The following DCX variants were observed in gnomAD, a reference collection of about 807,000 sequenced individuals.
DCX encodes the protein doublecortin.
A neutral mutation model predicts 20.9 loss-of-function variants in DCX; 4 were observed. The ratio of observed to expected loss-of-function variants is 0.19; its 90% confidence interval spans 0.09 to 0.44. DCX has a LOEUF of 0.44. Ranked by LOEUF, DCX falls within the 20% of genes least tolerant of loss-of-function variation. The probability of loss-of-function intolerance (pLI) is 0.99; values close to 1 mark genes in which losing one functional copy is unlikely to be tolerated. For synonymous variants in DCX, 103 were observed against 111.4 expected, an observed-to-expected ratio of 0.92 and a Z score of 0.47; for missense variants, 133 against 296.9, an observed-to-expected ratio of 0.45 and a Z score of 4.06.
rs181374748 is a variant in DCX at position 111,306,763 on chromosome X, A to T, written c.1045-5020T>A. Among the ~76,000 whole-genome samples, 330 of 111,673 alleles carry T rather than the reference A, an allele frequency of 3.0e-3. 3 individuals are homozygous for T. Among genetic ancestry groups the T allele is most frequent in the African/African-American group, 0.01 (318 of 30,810 alleles). On this transcript the variant is annotated intron_variant, in intron 6 of 6. Coordinates refer to ENST00000636035, the MANE Select transcript of DCX (RefSeq NM_001195553.2). ...AATTAAATTAGAAACAATAATGGAAAGATATTCAGGAAATTCATATATATG... is the reference window on the plus strand; with the variant it reads ...AATTAAATTAGAAACAATAATGGAATGATATTCAGGAAATTCATATATATG...
At chrX:111,326,071 G>C (rs1200942134) in intron 5 of DCX, among the ~76,000 whole-genome samples, 1 of 111,486 alleles carries the variant, frequency 9.0e-6, no homozygotes. Context: ...CCTTCTAAAG[G>C]CTGTATATTT....
intron 3 of DCX, among the ~76,000 whole-genome samples, chrX:111,342,767 C>CA (rs1396503647): frequency 9.0e-6 from 1 of 110,532 alleles, no homozygotes; most frequent in Non-Finnish European, 1.9e-5. Context: ...GAAACTCACT[C>CA]AAAACCACAC....
intron 6 of DCX, among the ~76,000 whole-genome samples, chrX:111,312,434 G>GAAAT (rs2147594506): frequency 8.9e-6 from 1 of 112,122 alleles, no homozygotes; most frequent in Admixed American, 9.4e-5. Context: ...AATGTAGCAG[G>GAAAT]AAATAAGTCA....
At chrX:111,392,975 G>C (rs886531878) in intron 3 of DCX, among the ~76,000 whole-genome samples, 20 of 110,951 alleles carry the variant, frequency 1.8e-4, no homozygotes, top group African/African-American at 6.6e-4. Flanking sequence ...GCCCATTTTA[G>C]CTTCTCCTAT....
chrX:111,373,561 G>A (rs1315887910), intron 3 of DCX, among the ~76,000 whole-genome samples: 3 of 111,575 alleles, frequency 2.7e-5, no homozygotes, highest in Non-Finnish European at 5.6e-5. Flanking sequence ...CTTGTCTCCA[G>A]GAATAACTGT....
At chrX:111,357,750 C>A (rs1923853400) in intron 3 of DCX, among the ~76,000 whole-genome samples, 1 of 110,097 alleles carries the variant, frequency 9.1e-6, no homozygotes, top group African/African-American at 3.3e-5. Flanking sequence ...CCGCTGTACT[C>A]CAGCCTGGGC....
At chrX:111,356,099 T>A (rs748003768) in intron 3 of DCX, among the ~76,000 whole-genome samples, 5 of 112,301 alleles carry the variant, frequency 4.5e-5, no homozygotes, top group Non-Finnish European at 5.6e-5. Context: ...AACCAATAGT[T>A]AACTTGATGC....
intron 3 of DCX, among the ~76,000 whole-genome samples, chrX:111,339,070 T>G (rs1603416503): frequency 1.8e-5 from 2 of 112,513 alleles, no homozygotes; most frequent in South Asian, 3.7e-4. Flanking sequence ...CACCATCTTC[T>G]GAATTTCCTT....
intron 2 of DCX, among the ~76,000 whole-genome samples, chrX:111,407,598 A>T (rs1928299531): frequency 9.0e-6 from 1 of 111,495 alleles, no homozygotes; most frequent in African/African-American, 3.3e-5. Context: ...AACAAATGCA[A>T]CTGAGCCCTA....
intron 3 of DCX, among the ~76,000 whole-genome samples, chrX:111,349,061 C>T (rs1455080508): frequency 9.0e-6 from 1 of 110,921 alleles, no homozygotes; most frequent in Non-Finnish European, 1.9e-5. Context: ...TTGATGAAAG[C>T]TGTAGGTCTT....
chrX:111,371,856 T>C (rs1026210622), intron 3 of DCX, among the ~76,000 whole-genome samples: 2 of 110,065 alleles, frequency 1.8e-5, no homozygotes, highest in African/African-American at 6.6e-5. Context: ...ACACACAGAG[T>C]AAGAGCTCAA....
chrX:111,391,501 G>T (rs748921771), intron 3 of DCX, among the ~76,000 whole-genome samples: 4 of 111,351 alleles, frequency 3.6e-5, no homozygotes, highest in Non-Finnish European at 7.5e-5. Context: ...CTTCCTTTCA[G>T]CTTCATCTTC....
intron 4 of DCX, among the ~76,000 whole-genome samples, chrX:111,331,519 T>C (rs193109756): frequency 1.8e-5 from 2 of 112,006 alleles, no homozygotes; most frequent in African/African-American, 3.2e-5. Flanking sequence ...ATGATGGATA[T>C]CATGTCACTT....
At chrX:111,357,988 C>T (rs780591572) in intron 3 of DCX, among the ~76,000 whole-genome samples, 2 of 109,676 alleles carry the variant, frequency 1.8e-5, no homozygotes, top group Non-Finnish European at 3.8e-5. Context: ...CCACCACGCC[C>T]GGCTAATTGT....
At chrX:111,346,329 G>T (rs184524400) in intron 3 of DCX, among the ~76,000 whole-genome samples, 1 of 112,080 alleles carries the variant, frequency 8.9e-6, no homozygotes, top group Admixed American at 9.5e-5. Flanking sequence ...AGATGAAAAG[G>T]ATAAACAAAA....
At chrX:111,332,412 T>C (rs750047461) in intron 4 of DCX, among the ~76,000 whole-genome samples, 2 of 112,371 alleles carry the variant, frequency 1.8e-5, no homozygotes, top group African/African-American at 6.5e-5. Context: ...ATGGGAAATA[T>C]GCTCTGAATG....
chrX:111,328,827 A>T (rs972458258), intron 5 of DCX, among the ~76,000 whole-genome samples: 4 of 111,471 alleles, frequency 3.6e-5, no homozygotes, highest in African/African-American at 1.3e-4. Context: ...TTGAGCCTTC[A>T]GATGACTGCA....
At chrX:111,355,523 C>A (rs1474613375) in intron 3 of DCX, among the ~76,000 whole-genome samples, 1 of 111,063 alleles carries the variant, frequency 9.0e-6, no homozygotes, top group Non-Finnish European at 1.9e-5. Flanking sequence ...TCTTTAATGT[C>A]TTGATATTAT....
intron 3 of DCX, among the ~76,000 whole-genome samples, chrX:111,394,539 C>T (rs1447309631): frequency 2.7e-5 from 3 of 111,803 alleles, no homozygotes; most frequent in Non-Finnish European, 3.8e-5. Context: ...TTTTTGGAGA[C>T]AATGCTTTTT....
Sources: gnomAD v4.1 joint callset for allele counts (sites outside exome capture counted in the v4.1 genomes callset) on GRCh38, gnomAD v4.1.1 for gene constraint, MANE v1.5 for transcripts, NCBI Gene and HGNC (gene_info 2026-07-23, HGNC 2026-07-21) for gene names.